The following KDM4B variants were observed in gnomAD, a reference collection of about 807,000 sequenced individuals.
KDM4B encodes the protein lysine-specific demethylase 4B.
Under a neutral mutation model 125.2 loss-of-function variants are expected in KDM4B, and 32 were observed. The observed-to-expected ratio is 0.26, with a 90% CI of 0.19 to 0.34. KDM4B has a LOEUF of 0.34. Among genes scored for constraint, KDM4B ranks in the 10% least tolerant of loss-of-function variants. The pLI is 1.00. For missense variants in KDM4B, 1,190 were observed against 1,577.7 expected (o/e 0.75, Z 4.16); for synonymous variants, 721 against 677.9 (o/e 1.06, Z -0.99).
chr19:5,108,092 C>T (rs1261335583), intron 9 of KDM4B, among the ~76,000 whole-genome samples: 1 of 152,240 alleles, frequency 6.6e-6, no homozygotes, highest in Non-Finnish European at 1.5e-5. Context: ...GGGCTCAGGC[C>T]GTGCTCCAGG....
At chr19:5,040,315 T>C (rs2036766832) in intron 4 of KDM4B, among the ~76,000 whole-genome samples, 2 of 152,168 alleles carry the variant, frequency 1.3e-5, no homozygotes, top group African/African-American at 4.8e-5. Flanking sequence ...CCTGGGCTTG[T>C]GGCCCCTCCT....
intron 1 of KDM4B, among the ~76,000 whole-genome samples, chr19:4,999,913 C>T (rs2035320876): frequency 6.8e-6 from 1 of 147,688 alleles, no homozygotes; most frequent in African/African-American, 2.5e-5. Context: ...ATCTATCCAC[C>T]TGTCCACACA....
At chr19:5,111,490 G>A (rs1433576721) in intron 10 of KDM4B, 2 of 765,262 alleles carry the variant, frequency 2.6e-6, no homozygotes, top group Non-Finnish European at 4.8e-6. Flanking sequence ...AGGCCATGGG[G>A]ACACGGAGGC....
chr19:5,117,650 C>A (rs565989437), intron 10 of KDM4B, among the ~76,000 whole-genome samples: 4 of 152,314 alleles, frequency 2.6e-5, no homozygotes, highest in African/African-American at 9.6e-5. Context: ...TTCCCAGAGC[C>A]GTCCTTGGGC....
At position 5,119,772 on chromosome 19, in the gene KDM4B, C is replaced by T; in HGVS notation, c.1235C>T (p.Ala412Val). ...GCTGGGGGCAGCGTGAAGGAGGAGG[C>T]TGGGCCGGAGGTTGACCCCGAGGAG... Reference protein sequence around the residue: ...EEAGGSVKEEAGPEVDPEEEE... With the variant: ...EEAGGSVKEEVGPEVDPEEEE... The change falls in exon 11 of 23, where the codon GCT (alanine) becomes GTT (valine). Residue 412 changes from alanine to valine, a missense_variant. Physicochemically the swap from Ala to Val is moderately conservative, Grantham distance 64 (BLOSUM62 0). Transcript: ENST00000159111. 6.5e-7 allele frequency: 1 copy of T among 1,545,946 alleles called. No individual in the cohort carries two copies. Among genetic ancestry groups the T allele is most frequent in the African/African-American group, 1.4e-5 (1 of 73,098 alleles).
At chr19:5,088,137 G>A (rs557730101) in intron 9 of KDM4B, among the ~76,000 whole-genome samples, 91 of 152,278 alleles carry the variant, frequency 6.0e-4, no homozygotes, top group South Asian at 4.1e-3. Context: ...CCTCGTGGGC[G>A]GGATGTGCCC....
intron 1 of KDM4B, among the ~76,000 whole-genome samples, chr19:5,007,261 C>T (rs543731620): frequency 6.6e-6 from 1 of 152,352 alleles, no homozygotes; most frequent in African/African-American, 2.4e-5. Flanking sequence ...TGGAAGCCCA[C>T]TGGCTCCTCT....
chr19:5,111,598 C>T, intron 10 of KDM4B: 1 of 727,072 alleles, frequency 1.4e-6, no homozygotes, highest in Non-Finnish European at 2.5e-6. Context: ...GCTTCCAGGG[C>T]TCTGAGCTGC....
At chr19:5,051,823 C>G (rs2037234990) in intron 6 of KDM4B, among the ~76,000 whole-genome samples, 1 of 152,226 alleles carries the variant, frequency 6.6e-6, no homozygotes, top group Non-Finnish European at 1.5e-5. Flanking sequence ...GGAAATCCCC[C>G]ATTGCCCCAG....
intron 3 of KDM4B, among the ~76,000 whole-genome samples, chr19:5,036,096 G>A (rs1421556797): frequency 2.6e-5 from 4 of 152,162 alleles, no homozygotes; most frequent in Non-Finnish European, 5.9e-5. Flanking sequence ...CCTTGGCTCG[G>A]GGCAGCCAGC....
In KDM4B at chr19:5,131,267, C is replaced by A; in HGVS notation, c.1507C>A (p.Pro503Thr). Residue 503 changes from proline (P) to threonine (T), a missense_variant, in exon 12 of 23, where the codon CCG becomes ACG. Transcript: ENST00000159111. Reference protein sequence around the residue: ...GPAAMEESPLPAPLNVVPPEV... With the variant: ...GPAAMEESPLTAPLNVVPPEV... The stretch of plus-strand genomic sequence containing the variant: ...TGCAGCCATGGAGGAGAGCCCCCTG[C>A]CGGCACCCCTTAATGTCGTGCCCCC... 6.2e-7 allele frequency: 1 copy of A among 1,610,226 alleles called. No individual in the cohort carries two copies. Among genetic ancestry groups the A allele is most frequent in the Non-Finnish European group, 8.5e-7 (1 of 1,178,532 alleles).
intron 11 of KDM4B, among the ~76,000 whole-genome samples, chr19:5,130,212 C>T (rs980141616): frequency 1.3e-5 from 2 of 152,142 alleles, no homozygotes; most frequent in African/African-American, 4.8e-5. Flanking sequence ...TCACTCAGTC[C>T]CACCCACAGA....
At position 5,151,347 on chromosome 19, in the gene KDM4B, G is replaced by T; in HGVS notation, c.3127G>T (p.Gly1043Trp). 6.4e-7 allele frequency: 1 copy of T among 1,565,432 alleles called. No homozygotes were observed. The highest frequency in any genetic ancestry group is 8.6e-7 in the Non-Finnish European group (1 of 1,157,444). The change falls in exon 23 of 23, where the codon GGG (glycine) becomes TGG (tryptophan). Residue 1043 changes from glycine to tryptophan, a missense_variant. Gly to Trp is a radical substitution (Grantham distance 184). This residue lies in a region of KDM4B where 109 missense variants were observed against 93.8 expected (regional missense o/e 1.16). Coordinates refer to ENST00000159111, the MANE Select transcript of KDM4B (RefSeq NM_015015.3). The part of the protein sequence containing the change: ...RVRSRLSLST[G>W]APQEPAFSGE... ...CGCTCTCCCGCAGTCACTGAGCACG[G>T]GGGCACCGCAGGAGCCCGCCTTCTC...
intron 3 of KDM4B, among the ~76,000 whole-genome samples, chr19:5,034,561 A>G (rs2036557798): frequency 6.6e-6 from 1 of 152,164 alleles, no homozygotes; most frequent in African/African-American, 2.4e-5. Context: ...AGCCTTCATA[A>G]CTCAAAGGCT....
At chr19:5,087,234 C>A (rs1241123810) in intron 9 of KDM4B, among the ~76,000 whole-genome samples, 1 of 152,262 alleles carries the variant, frequency 6.6e-6, no homozygotes. Context: ...TCTTTCCTTT[C>A]TAGCTGGTCT....
intron 9 of KDM4B, among the ~76,000 whole-genome samples, chr19:5,084,584 TAA>T (rs1475949247): frequency 1.8e-4 from 25 of 142,600 alleles, no homozygotes; most frequent in Non-Finnish European, 3.3e-4. Flanking sequence ...GTATTATATA[TAA>T]ATATAAATTA....
chr19:4,990,241 G>C (rs139311852), intron 1 of KDM4B, among the ~76,000 whole-genome samples: 1 of 152,166 alleles, frequency 6.6e-6, no homozygotes, highest in Admixed American at 6.5e-5. Flanking sequence ...AGTGAGCCAC[G>C]ATTGCACCAG....
Position 5,020,454 on chromosome 19 carries a change from C to T in KDM4B, c.-26+4115C>T, listed in dbSNP as rs114289362. ...CATTCTGTTTAGCCTTCTCAGGAAT[C>T]GCCTGCCCGTCTCCACGGCGGCTGC... On this transcript the variant is annotated intron_variant, in intron 2 of 22. Coordinates refer to ENST00000159111, the MANE Select transcript of KDM4B (RefSeq NM_015015.3). Among the ~76,000 whole-genome samples the T allele has an allele frequency of 6.0e-3, 915 of 152,200 alleles. 7 individuals carry two copies. The highest frequency in any genetic ancestry group is 0.021 in the African/African-American group (877 of 41,482).
At chr19:5,037,072 A>C (rs10419990) in intron 3 of KDM4B, among the ~76,000 whole-genome samples, 106 of 152,188 alleles carry the variant, frequency 7.0e-4, no homozygotes, top group African/African-American at 2.5e-3. Context: ...GCGTTCTTTC[A>C]AGAGCAGAGG....
Sources: allele counts gnomAD v4.1 joint callset (sites outside exome capture counted in the v4.1 genomes callset), GRCh38; gene constraint gnomAD v4.1.1; regional missense constraint gnomAD v4.1.1; transcripts MANE v1.5; gene names NCBI Gene and HGNC (gene_info 2026-07-23, HGNC 2026-07-21).